Variants in HMG20A observed in about 807,000 individuals in gnomAD.
HMG20A encodes high mobility group protein 20A.
A neutral mutation model predicts 43.9 loss-of-function variants in HMG20A; 17 were observed. The observed-to-expected ratio is 0.39, with a 90% CI of 0.27 to 0.58. The LOEUF is 0.58. Among genes scored for constraint, HMG20A ranks in the 20% least tolerant of loss-of-function variants. The pLI, the probability that HMG20A is intolerant of heterozygous loss-of-function variation, is 0.59. For synonymous variants in HMG20A, 132 were observed against 147.5 expected (o/e 0.89, Z 0.76); for missense variants, 341 against 438.2 (o/e 0.78, Z 1.98).
At chr15:77,517,392 G>A in the HMG20A span, among the ~76,000 whole-genome samples, 1 of 152,068 alleles carries the variant, frequency 6.6e-6, no homozygotes, top group African/African-American at 2.4e-5. Flanking sequence ...GATGGTGAAC[G>A]AGTCAACCCT....
chr15:77,441,015 T>C (rs1377130105), intron 1 of HMG20A, among the ~76,000 whole-genome samples: 1 of 152,170 alleles, frequency 6.6e-6, no homozygotes, highest in Non-Finnish European at 1.5e-5. Flanking sequence ...AGCAATAAAT[T>C]CTTGCTGCAA....
At chr15:77,509,926 CA>C in the HMG20A span, among the ~76,000 whole-genome samples, 1 of 151,434 alleles carries the variant, frequency 6.6e-6, no homozygotes, top group Non-Finnish European at 1.5e-5. Context: ...AAAAACTACC[CA>C]AATTATATAT....
At chr15:77,431,512 G>C (rs754009447) in intron 1 of HMG20A, among the ~76,000 whole-genome samples, 1 of 151,732 alleles carries the variant, frequency 6.6e-6, no homozygotes, top group Non-Finnish European at 1.5e-5. Context: ...ATGCCCAGCT[G>C]GTTTTTTTTG....
At chr15:77,476,973 T>C (rs1474747191) in intron 6 of HMG20A, among the ~76,000 whole-genome samples, 1 of 152,200 alleles carries the variant, frequency 6.6e-6, no homozygotes, top group Non-Finnish European at 1.5e-5. Flanking sequence ...TCTCATGTGT[T>C]TGTTTGTTTA....
chr15:77,435,819 C>CTTTTTTTT (rs35390385), intron 1 of HMG20A, among the ~76,000 whole-genome samples: 1 of 147,758 alleles, frequency 6.8e-6, no homozygotes, highest in Non-Finnish European at 1.5e-5. Context: ...GTAGGTGCAT[C>CTTTTTTTT]TTTTTTTTTT....
At chr15:77,435,496 G>C (rs1182229149) in intron 1 of HMG20A, among the ~76,000 whole-genome samples, 1 of 152,002 alleles carries the variant, frequency 6.6e-6, no homozygotes, top group Non-Finnish European at 1.5e-5. Context: ...GTTTCACCAT[G>C]TTGGCCAGGC....
chr15:77,450,169 G>C (rs911705895), intron 1 of HMG20A, among the ~76,000 whole-genome samples: 2 of 151,252 alleles, frequency 1.3e-5, no homozygotes, highest in African/African-American at 4.9e-5. Context: ...TTGCTTTGTC[G>C]CCCAGGCTGG....
At chr15:77,498,759 G>GTAGAC in the HMG20A span, among the ~76,000 whole-genome samples, 2 of 152,148 alleles carry the variant, frequency 1.3e-5, no homozygotes, top group African/African-American at 4.8e-5. Flanking sequence ...ACATTTTCCT[G>GTAGAC]GGTTCTACAA....
chr15:77,480,426 A>C (rs1390410900), intron 9 of HMG20A, among the ~76,000 whole-genome samples: 1 of 151,974 alleles, frequency 6.6e-6, no homozygotes, highest in Non-Finnish European at 1.5e-5. Flanking sequence ...GCTTGGGCAA[A>C]ATAGTGAGAC....
intron 1 of HMG20A, among the ~76,000 whole-genome samples, chr15:77,453,162 T>C (rs2012740): frequency 0.22 from 33,487 of 151,928 alleles, 4,137 homozygotes; most frequent in Middle Eastern, 0.3. Context: ...ACCCAGGAGG[T>C]AGAGGTTGCA....
chr15:77,492,485 G>A, the HMG20A span, among the ~76,000 whole-genome samples: 93 of 152,266 alleles, frequency 6.1e-4, no homozygotes, highest in African/African-American at 2.2e-3. Context: ...GCAGTATGGA[G>A]ATAGACTGGT....
the HMG20A span, among the ~76,000 whole-genome samples, chr15:77,506,634 C>T: frequency 9.2e-5 from 14 of 152,328 alleles, no homozygotes; most frequent in African/African-American, 1.7e-4. Context: ...GAGCCAGGGC[C>T]GCCAAAAGAC....
intron 1 of HMG20A, among the ~76,000 whole-genome samples, chr15:77,430,623 A>C (rs2073474589): frequency 6.6e-6 from 1 of 152,196 alleles, no homozygotes; most frequent in Admixed American, 6.5e-5. Context: ...TGTTAGTTTT[A>C]TGGGGCGGAG....
chr15:77,450,084 T>C (rs1007396664), intron 1 of HMG20A, among the ~76,000 whole-genome samples: 2 of 152,092 alleles, frequency 1.3e-5, no homozygotes, highest in Admixed American at 6.5e-5. Context: ...GGACCAGAAG[T>C]GTTTCAGGTT....
intron 3 of HMG20A, among the ~76,000 whole-genome samples, chr15:77,466,668 T>C (rs564562111): frequency 5.5e-4 from 84 of 152,308 alleles, no homozygotes; most frequent in African/African-American, 1.9e-3. Context: ...AATCTGACAA[T>C]GTCTGCCTCC....
At position 77,480,905 on chromosome 15, in the gene HMG20A, A is replaced by G. The variant is rs966397689; in HGVS notation, c.*6+1584A>G. On this transcript the variant is annotated intron_variant, in intron 9 of 9. Coordinates refer to ENST00000336216, the MANE Select transcript of HMG20A (RefSeq NM_001304504.2). Reference sequence around the variant, plus strand: ...TAAGTTATTCCATACCTGCAGACATATAAACTGTGTGGAAATTTTAAGATT... The same window carrying G: ...TAAGTTATTCCATACCTGCAGACATGTAAACTGTGTGGAAATTTTAAGATT... Among the ~76,000 whole-genome samples, 5 of 152,248 alleles carry G rather than the reference A, an allele frequency of 3.3e-5. No individual in the cohort carries two copies. The South Asian group carries it at 1.0e-3, about 32-fold the overall frequency.
chr15:77,471,626 T>C (rs1341980328), intron 5 of HMG20A, among the ~76,000 whole-genome samples, 157 bp from the exon 6 acceptor site: 1 of 152,228 alleles, frequency 6.6e-6, no homozygotes, highest in Non-Finnish European at 1.5e-5. Context: ...CTTACTTTTG[T>C]TGGCTGACCG....
At chr15:77,490,487 T>C (rs1201773233), downstream of HMG20A, among the ~76,000 whole-genome samples, 1 of 151,986 alleles carries the variant, frequency 6.6e-6, no homozygotes, top group East Asian at 1.9e-4. Context: ...TGGACAGGAA[T>C]TGCTGAGGAG....
chr15:77,477,514 T>C (rs2072867347), intron 6 of HMG20A, 41 bp from the exon 7 acceptor site: 1 of 1,374,654 alleles, frequency 7.3e-7, no homozygotes, highest in South Asian at 1.2e-5. Flanking sequence ...TTAATTTATC[T>C]TCTATTAAGA....
Sources: gnomAD v4.1 joint callset for allele counts (sites outside exome capture counted in the v4.1 genomes callset) on GRCh38, gnomAD v4.1.1 for gene constraint, MANE v1.5 for transcripts, NCBI Gene and HGNC (gene_info 2026-07-23, HGNC 2026-07-21) for gene names.